Variants in ASPRV1 observed in about 807,000 individuals in gnomAD.
ASPRV1 encodes aspartic peptidase retroviral like 1, also known as retroviral-like aspartic protease 1.
ASPRV1 carries 7 observed loss-of-function variants against 11.0 expected under a neutral mutation model. That is an observed-to-expected ratio of 0.64 (90% confidence interval 0.36 to 1.20). The LOEUF is 1.20. Among genes scored for constraint, ASPRV1 ranks in the 50% most tolerant of loss-of-function variants. The pLI, the probability that ASPRV1 is intolerant of heterozygous loss-of-function variation, is 0.02. For synonymous variants in ASPRV1, 136 were observed against 138.4 expected (o/e 0.98, Z 0.12); for missense variants, 299 against 320.0 (o/e 0.93, Z 0.50).
At chr2:69,983,906 G>A in the ASPRV1 span, among the ~76,000 whole-genome samples, 1 of 152,170 alleles carries the variant, frequency 6.6e-6, no homozygotes, top group African/African-American at 2.4e-5. Flanking sequence ...GAACCTGGAG[G>A]TCACACAAGG....
At chr2:69,959,623 C>T (rs1413828873), downstream of ASPRV1, among the ~76,000 whole-genome samples, 1 of 152,156 alleles carries the variant, frequency 6.6e-6, no homozygotes, top group African/African-American at 2.4e-5. Context: ...CACAGCCTCC[C>T]CCGTCCTCCA....
the ASPRV1 span, among the ~76,000 whole-genome samples, chr2:70,057,456 T>C: frequency 3.3e-4 from 51 of 152,258 alleles, no homozygotes; most frequent in Middle Eastern, 3.4e-3. Context: ...CATTTTTCTT[T>C]TTCCTGCAAC....
chr2:70,017,676 T>A, the ASPRV1 span, among the ~76,000 whole-genome samples: 1 of 152,084 alleles, frequency 6.6e-6, no homozygotes, highest in African/African-American at 2.4e-5. Context: ...ATAAACATAT[T>A]CAGTAAAGTT....
At chr2:70,033,751 T>C in the ASPRV1 span, among the ~76,000 whole-genome samples, 1 of 152,190 alleles carries the variant, frequency 6.6e-6, no homozygotes, top group African/African-American at 2.4e-5. Flanking sequence ...TAAATTTCTA[T>C]TATATCTCTC....
At chr2:70,060,170 A>G in the ASPRV1 span, 2 of 151,538 alleles carry the variant, frequency 1.3e-5, no homozygotes, top group East Asian at 3.9e-4. Context: ...GGTAAAACCC[A>G]TGTTCACTAA....
the ASPRV1 span, chr2:70,046,755 A>G: frequency 6.6e-6 from 1 of 152,144 alleles, no homozygotes; most frequent in Admixed American, 6.6e-5. Context: ...TGAGGGAAGT[A>G]CTGGTCCAGG....
At chr2:70,023,059 G>C in the ASPRV1 span, among the ~76,000 whole-genome samples, 1 of 152,092 alleles carries the variant, frequency 6.6e-6, no homozygotes. Context: ...GAAGAGATAA[G>C]CCAGAAAGCA....
the ASPRV1 span, among the ~76,000 whole-genome samples, chr2:69,953,868 C>T: frequency 1.5e-4 from 22 of 142,280 alleles, no homozygotes; most frequent in South Asian, 4.5e-4. Flanking sequence ...CCACCATGCC[C>T]GGCTAATTTT....
At chr2:69,935,770 C>T in the ASPRV1 span, among the ~76,000 whole-genome samples, 1 of 152,152 alleles carries the variant, frequency 6.6e-6, no homozygotes. Flanking sequence ...ATTTTGCAAC[C>T]GGTCTACTTC....
At chr2:70,016,000 C>T in the ASPRV1 span, 1 of 152,070 alleles carries the variant, frequency 6.6e-6, no homozygotes, top group Admixed American at 6.6e-5. Context: ...CAATAGTCCA[C>T]TTTCAATAAA....
At chr2:69,980,398 T>C in the ASPRV1 span, among the ~76,000 whole-genome samples, 1 of 152,258 alleles carries the variant, frequency 6.6e-6, no homozygotes, top group Admixed American at 6.5e-5. Flanking sequence ...GCAAAGTCTT[T>C]TTCTCATTCC....
the ASPRV1 span, among the ~76,000 whole-genome samples, chr2:69,977,848 AAGG>A: frequency 6.6e-6 from 1 of 152,172 alleles, no homozygotes; most frequent in African/African-American, 2.4e-5. Context: ...GAGTGAAGAA[AAGG>A]AGGTGACAAA....
At chr2:69,936,980 C>T in the ASPRV1 span, 1 of 603,428 alleles carries the variant, frequency 1.7e-6, no homozygotes, top group Non-Finnish European at 3.2e-6. Flanking sequence ...TACCAGGGTG[C>T]CAGTATGTGA....
At chr2:69,937,966 C>G in the ASPRV1 span, 1 of 824,854 alleles carries the variant, frequency 1.2e-6, no homozygotes, top group East Asian at 2.7e-5. Flanking sequence ...CAGCTGGTCT[C>G]AAACTCCTAA....
At chr2:69,986,038 C>G in the ASPRV1 span, among the ~76,000 whole-genome samples, 2 of 152,194 alleles carry the variant, frequency 1.3e-5, no homozygotes, top group Non-Finnish European at 2.9e-5. Flanking sequence ...ACTGTCGGGA[C>G]AGGGGGAATA....
At chr2:69,938,320 T>G in the ASPRV1 span, 1 of 1,605,962 alleles carries the variant, frequency 6.2e-7, no homozygotes, top group South Asian at 1.1e-5. Context: ...TTGAAGGTTC[T>G]CCCTGTTGGT....
the ASPRV1 span, among the ~76,000 whole-genome samples, chr2:69,949,403 AAC>A: frequency 1.3e-5 from 2 of 152,192 alleles, no homozygotes; most frequent in Non-Finnish European, 2.9e-5. Context: ...GAGGTGATGA[AAC>A]ACAGCCAGTG....
At chr2:69,936,012 C>T in the ASPRV1 span, among the ~76,000 whole-genome samples, 558 of 152,152 alleles carry the variant, frequency 3.7e-3, 1 homozygote, top group Non-Finnish European at 5.7e-3. Context: ...CATCTTGTTC[C>T]CCAATTCCCC....
chr2:70,019,892 G>A, the ASPRV1 span, among the ~76,000 whole-genome samples: 2 of 152,042 alleles, frequency 1.3e-5, no homozygotes, highest in Non-Finnish European at 2.9e-5. Flanking sequence ...GAAAATTGCT[G>A]AGAATAAATT....
Sources: gnomAD v4.1 joint callset for allele counts (sites outside exome capture counted in the v4.1 genomes callset) on GRCh38, gnomAD v4.1.1 for gene constraint, MANE v1.5 for transcripts, NCBI Gene and HGNC (gene_info 2026-07-23, HGNC 2026-07-21) for gene names.